The following SNTB1 variants were observed in gnomAD, a reference collection of about 807,000 sequenced individuals.
SNTB1 encodes the protein syntrophin beta 1, also known as beta-1-syntrophin.
In SNTB1, 36 loss-of-function variants were observed where a neutral mutation model predicts 48.9. The ratio of observed to expected loss-of-function variants is 0.74; its 90% confidence interval spans 0.56 to 0.97. The LOEUF (loss-of-function observed/expected upper bound fraction) is 0.97, where lower values mean the gene tolerates loss of function less well. Among genes scored for constraint, SNTB1 ranks in the 50% least tolerant of loss-of-function variants. The pLI is 0.00. For missense variants in SNTB1, 786 were observed against 703.4 expected (o/e 1.12, Z -1.33); for synonymous variants, 299 against 294.6 (o/e 1.01, Z -0.15).
At position 120,559,212 on chromosome 8, in the gene SNTB1, C is replaced by A. The variant is rs1815614459; in HGVS notation, c.1137-10254G>T. 2.0e-5 allele frequency among the ~76,000 whole-genome samples: 3 copies of A among 152,144 alleles called. No homozygotes were observed. The South Asian group carries it at 6.2e-4, about 31-fold the overall frequency. On this transcript the variant is annotated intron_variant, in intron 4 of 6. Coordinates refer to ENST00000517992, the MANE Select transcript of SNTB1 (RefSeq NM_021021.4). ...ATGTTTTATGAGAACAGCCTAACATCCATTTCCTGCTTCTTCTTTTGAATC... is the reference window on the plus strand; with the variant it reads ...ATGTTTTATGAGAACAGCCTAACATACATTTCCTGCTTCTTCTTTTGAATC...
At position 120,811,980 on chromosome 8, in the gene SNTB1, C is replaced by T. The variant is rs1363795055; in HGVS notation, c.-137G>A. 7 of 1,271,314 alleles carry T rather than the reference C, an allele frequency of 5.5e-6. No individual in the cohort carries two copies. The African/African-American group carries it at 9.4e-5, about 17-fold the overall frequency. The allele number at this position is 1,271,314 out of a possible 1,614,324, so 78.8% of individuals were successfully genotyped here. A position where few individuals can be genotyped will look rare whatever the true frequency, so the allele number is the denominator to read the frequency against. On this transcript the variant is annotated 5_prime_UTR_variant, in exon 1 of 7. Transcript: ENST00000517992. ...GGAGGTGGCGGCACGCGGGACTCCG[C>T]TCCGGGAGTTCGCAGACGCACTCGG...
chr8:120,672,499 G>T (rs753619930), intron 2 of SNTB1, among the ~76,000 whole-genome samples: 84 of 152,276 alleles, frequency 5.5e-4, no homozygotes, highest in Non-Finnish European at 1.0e-3. Context: ...TTAACTCACT[G>T]ATCAGAATCT....
At chr8:120,802,092 G>A (rs1358328243) in intron 1 of SNTB1, among the ~76,000 whole-genome samples, 2 of 151,966 alleles carry the variant, frequency 1.3e-5, no homozygotes, top group Non-Finnish European at 2.9e-5. Flanking sequence ...TATCTTCCAC[G>A]GGATGGCCTC....
chr8:120,714,240 C>A (rs1159075105), intron 1 of SNTB1, among the ~76,000 whole-genome samples: 1 of 152,120 alleles, frequency 6.6e-6, no homozygotes, highest in Admixed American at 6.6e-5. Context: ...AGACAGAACC[C>A]CTCCTCTGTT....
intron 1 of SNTB1, among the ~76,000 whole-genome samples, chr8:120,746,575 A>C (rs1819129700): frequency 6.6e-6 from 1 of 152,186 alleles, no homozygotes; most frequent in Non-Finnish European, 1.5e-5. Context: ...CTCTTTACAG[A>C]AAAAATTTAC....
At chr8:120,544,333 A>G (rs1311914037) in intron 5 of SNTB1, among the ~76,000 whole-genome samples, 1 of 152,232 alleles carries the variant, frequency 6.6e-6, no homozygotes, top group Non-Finnish European at 1.5e-5. Context: ...CATTCTACAT[A>G]GGATGGAATC....
intron 1 of SNTB1, among the ~76,000 whole-genome samples, chr8:120,781,682 C>T (rs1262763202): frequency 6.6e-6 from 1 of 152,132 alleles, no homozygotes; most frequent in Non-Finnish European, 1.5e-5. Context: ...TTATGAATTT[C>T]ACAAAACAGA....
intron 2 of SNTB1, among the ~76,000 whole-genome samples, chr8:120,644,755 T>C (rs1817256049): frequency 6.7e-6 from 1 of 149,628 alleles, no homozygotes; most frequent in Admixed American, 6.7e-5. Context: ...TCCACAATGG[T>C]TGAACTAGTT....
intron 1 of SNTB1, among the ~76,000 whole-genome samples, chr8:120,767,820 T>A (rs1819552767): frequency 6.6e-6 from 1 of 152,216 alleles, no homozygotes; most frequent in Non-Finnish European, 1.5e-5. Flanking sequence ...GTGGCATTTT[T>A]ATTAATATAC....
At chr8:120,659,700 A>G (rs1050456986) in intron 2 of SNTB1, among the ~76,000 whole-genome samples, 1 of 152,232 alleles carries the variant, frequency 6.6e-6, no homozygotes, top group African/African-American at 2.4e-5. Flanking sequence ...TATGAAACAT[A>G]TTTAAGAAAT....
At chr8:120,616,298 ATTT>A (rs137921428) in intron 3 of SNTB1, among the ~76,000 whole-genome samples, 126 of 122,098 alleles carry the variant, frequency 1.0e-3, no homozygotes, top group South Asian at 1.3e-3. Context: ...GATTAGCTTG[ATTT>A]TTTTTTTTTT....
intron 2 of SNTB1, among the ~76,000 whole-genome samples, chr8:120,683,472 G>T (rs887162246): frequency 6.6e-6 from 1 of 152,132 alleles, no homozygotes; most frequent in Non-Finnish European, 1.5e-5. Context: ...GTCAAAAAAA[G>T]GGGGTGGGGG....
chr8:120,605,858 C>A (rs535141284), intron 3 of SNTB1, among the ~76,000 whole-genome samples: 7 of 152,224 alleles, frequency 4.6e-5, no homozygotes, highest in Admixed American at 4.6e-4. Flanking sequence ...TGAAAAGGTG[C>A]CCCCTTCTGG....
intron 1 of SNTB1, among the ~76,000 whole-genome samples, chr8:120,750,348 A>T (rs547231916): frequency 6.6e-6 from 1 of 152,264 alleles, no homozygotes; most frequent in South Asian, 2.1e-4. Context: ...ATGTGAAATG[A>T]ATTGCTGAGC....
chr8:120,662,629 G>A lies in SNTB1; in HGVS notation c.789-29978C>T, dbSNP rs561936935. ...AGGGAGACCTTCTGAGCTCCTAGGTGGTCAGATGTCTGCCTCTGCCTCACA... is the reference window on the plus strand; with the variant it reads ...AGGGAGACCTTCTGAGCTCCTAGGTAGTCAGATGTCTGCCTCTGCCTCACA... On this transcript the variant is annotated intron_variant, in intron 2 of 6. Coordinates refer to ENST00000517992, the MANE Select transcript of SNTB1 (RefSeq NM_021021.4). Among the ~76,000 whole-genome samples, 326 of 152,160 alleles carry A rather than the reference G, an allele frequency of 2.1e-3. 3 individuals are homozygous for A. Among genetic ancestry groups the A allele is most frequent in the South Asian group, 3.7e-3 (18 of 4,810 alleles).
At chr8:120,587,482 G>A (rs895783283) in intron 3 of SNTB1, among the ~76,000 whole-genome samples, 1 of 152,172 alleles carries the variant, frequency 6.6e-6, no homozygotes, top group Non-Finnish European at 1.5e-5. Context: ...CACCTTGTGT[G>A]GGATGCCTGT....
In SNTB1 at chr8:120,560,484, AAATAAATAAATAAAT is replaced by A. The variant is rs532073364; in HGVS notation, c.1137-11541_1137-11527del. Among the ~76,000 whole-genome samples, 975 of 152,236 alleles carry A rather than the reference AAATAAATAAATAAAT, an allele frequency of 6.4e-3. 10 individuals carry two copies. The highest frequency in any genetic ancestry group is 0.022 in the African/African-American group (914 of 41,542). On this transcript the variant is annotated intron_variant, in intron 4 of 6. Transcript: ENST00000517992. ...GGCGACAGAGCGAGACTTCGTCTCA[AAATAAATAAATAAAT>A]AATAAATAAATAAATAAACTCCTTT...
At chr8:120,691,795 G>A (rs1432532327) in intron 2 of SNTB1, among the ~76,000 whole-genome samples, 2 of 152,110 alleles carry the variant, frequency 1.3e-5, no homozygotes, top group Non-Finnish European at 2.9e-5. Context: ...CTGCCACTTT[G>A]CAGTCTGTGG....
At chr8:120,764,330 CAT>C (rs1331892090) in intron 1 of SNTB1, among the ~76,000 whole-genome samples, 3 of 151,998 alleles carry the variant, frequency 2.0e-5, no homozygotes, top group Admixed American at 6.6e-5. Context: ...TGAAATATTC[CAT>C]GTGCAGAGAA....
Sources: allele counts gnomAD v4.1 joint callset (sites outside exome capture counted in the v4.1 genomes callset), GRCh38; gene constraint gnomAD v4.1.1; transcripts MANE v1.5; gene names NCBI Gene and HGNC (gene_info 2026-07-23, HGNC 2026-07-21).